The following MRPL46 variants were observed in gnomAD, a reference collection of about 807,000 sequenced individuals.
MRPL46 encodes the protein large ribosomal subunit protein mL46.
In MRPL46, 26 loss-of-function variants were observed where a neutral mutation model predicts 31.0. The ratio of observed to expected loss-of-function variants is 0.84; its 90% CI spans 0.61 to 1.16. MRPL46 has a LOEUF of 1.16. Ranked by LOEUF, MRPL46 falls within the 50% of genes most tolerant of loss-of-function variation. The pLI, the probability that MRPL46 is intolerant of heterozygous loss-of-function variation, is 0.00. For missense variants in MRPL46, 395 were observed against 340.0 expected (o/e 1.16, Z -1.27); for synonymous variants, 159 against 141.3 (o/e 1.13, Z -0.89).
At position 88,465,615 on chromosome 15, in the gene MRPL46, T is replaced by TAG. The variant is rs764724965; in HGVS notation, c.385_386dup (p.Gln130TyrfsTer9). The TAG allele has an allele frequency of 3.7e-6, 6 of 1,611,946 alleles. No homozygotes were observed. In the Admixed American group the frequency reaches 8.4e-5, roughly 23 times the overall value. On this transcript the variant is annotated frameshift_variant, in exon 2 of 4. Coordinates refer to ENST00000312475, the MANE Select transcript of MRPL46 (RefSeq NM_022163.4). LOFTEE classifies it high-confidence loss of function. ...TTATGCGAGCTCCAAGTTTGAACTGTAGAAATTTCTGCTCCCACATATCTT... is the reference window on the plus strand; with the variant it reads ...TTATGCGAGCTCCAAGTTTGAACTGTAGAGAAATTTCTGCTCCCACATATCTT...
chr15:88,460,794 C>T (rs2055471475), intron 3 of MRPL46: 1 of 151,898 alleles, frequency 6.6e-6, no homozygotes, highest in South Asian at 2.1e-4. Context: ...GGAGTGCAGT[C>T]GTGCAATCTT....
chr15:88,467,044 A>C, intron 1 of MRPL46, 106 bp downstream of exon 1: 1 of 1,279,030 alleles, frequency 7.8e-7, no homozygotes, highest in Non-Finnish European at 1.1e-6. Flanking sequence ...TAAGGTAGGT[A>C]CCATTCTGCG....
rs1030003010 is a variant in MRPL46 at position 88,460,123 on chromosome 15, A to G, written c.590-260T>C. ...TTTTTAGACTGAAAGTCAGCAACACAGTTACAATCACACCTGGGAGTCAGA... is the reference window on the plus strand; with the variant it reads ...TTTTTAGACTGAAAGTCAGCAACACGGTTACAATCACACCTGGGAGTCAGA... On this transcript the variant is annotated intron_variant, in intron 3 of 3. Coordinates refer to ENST00000312475, the MANE Select transcript of MRPL46 (RefSeq NM_022163.4). The G allele has an allele frequency of 1.5e-5, 7 of 475,766 alleles. No homozygotes were observed. The Admixed American group carries it at 2.2e-4, about 15-fold the overall frequency. 29.5% of individuals were successfully genotyped at this position (475,766 alleles called of 1,614,324 possible).
intron 3 of MRPL46, chr15:88,460,500 A>G (rs2055469141): frequency 6.6e-6 from 1 of 152,666 alleles, no homozygotes; most frequent in South Asian, 2.1e-4. Context: ...ACTAAGGGTT[A>G]ACAACCCCAA....
At chr15:88,466,116 T>C (rs904555902) in intron 1 of MRPL46, among the ~76,000 whole-genome samples, 1 of 152,222 alleles carries the variant, frequency 6.6e-6, no homozygotes, top group African/African-American at 2.4e-5. Flanking sequence ...AGGACTTTCC[T>C]GTTCAGGGAC....
chr15:88,459,962 G>T (rs2055462459), intron 3 of MRPL46, 99 bp from the exon 4 acceptor site: 3 of 1,451,276 alleles, frequency 2.1e-6, no homozygotes, highest in African/African-American at 1.4e-5. Context: ...GCAAGATCTG[G>T]CCCTGAGGTA....
At position 88,463,123 on chromosome 15, in the gene MRPL46, T is replaced by A. The variant is rs1209705342; in HGVS notation, c.589+1580A>T. On this transcript the variant is annotated intron_variant, in intron 3 of 3. Coordinates refer to ENST00000312475, the MANE Select transcript of MRPL46 (RefSeq NM_022163.4). This position sits in a 1 kb window ranked among gnomAD's most constrained non-coding sequence, Gnocchi z 5.4. ...ACTCCTATGTGATGGCTGAGGAGACTGAGAAAGCAGCAACCTCCTCTCCTA... is the reference window on the plus strand; with the variant it reads ...ACTCCTATGTGATGGCTGAGGAGACAGAGAAAGCAGCAACCTCCTCTCCTA... 2 of 152,258 alleles carry A rather than the reference T, an allele frequency of 1.3e-5. No individual in the cohort carries two copies. Among genetic ancestry groups the A allele is most frequent in the African/African-American group, 4.8e-5 (2 of 41,468 alleles). The allele number at this position is 152,258 out of a possible 1,614,324, so 9.4% of individuals were successfully genotyped here. A position where few individuals can be genotyped will look rare whatever the true frequency, so the allele number is the denominator to read the frequency against.
chr15:88,461,316 C>G (rs1262194917), intron 3 of MRPL46: 1 of 152,036 alleles, frequency 6.6e-6, no homozygotes. Context: ...ACTCAGGAAG[C>G]TGAGGCAGGA....
At chr15:88,466,978 C>A (rs2055545429) in intron 1 of MRPL46, among the ~76,000 whole-genome samples, 172 bp downstream of exon 1, 1 of 152,142 alleles carries the variant, frequency 6.6e-6, no homozygotes, top group African/African-American at 2.4e-5. Context: ...ACAATAAACA[C>A]GGCCAATGAA....
chr15:88,466,173 T>C (rs1474071465), intron 1 of MRPL46, among the ~76,000 whole-genome samples: 1 of 152,240 alleles, frequency 6.6e-6, no homozygotes, highest in African/African-American at 2.4e-5. Flanking sequence ...CCTCACATTC[T>C]TTCTTCTGGG....
chr15:88,459,798 G>GCCTA lies in MRPL46; in HGVS notation c.654_655insTAGG (p.Gln219Ter). 1 of 1,614,178 alleles carries GCCTA rather than the reference G, an allele frequency of 6.2e-7. No homozygotes were observed. The highest frequency in any genetic ancestry group is 2.2e-5 in the East Asian group (1 of 44,878). On this transcript the variant is annotated stop_gained and frameshift_variant, in exon 4 of 4. Coordinates refer to ENST00000312475, the MANE Select transcript of MRPL46 (RefSeq NM_022163.4). LOFTEE classifies it high-confidence loss of function. ...AGGTTACTCTCTGTCCGCATTGCCT[G>GCCTA]GGGGAACTTGAATGTGTAGTGCCCA... is the stretch of plus-strand genomic sequence containing the variant.
At chr15:88,465,402 T>G (rs1464775575) in intron 2 of MRPL46, 185 bp downstream of exon 2, 8 of 588,952 alleles carry the variant, frequency 1.4e-5, no homozygotes, top group Non-Finnish European at 2.2e-5. Flanking sequence ...TCCAATACCC[T>G]TACCTCTCAC....
In MRPL46 at chr15:88,459,875, G is replaced by C; in HGVS notation, c.590-12C>G. 6.2e-7 allele frequency: 1 copy of C among 1,613,210 alleles called. No homozygotes were observed. The highest frequency in any genetic ancestry group is 1.3e-5 in the African/African-American group (1 of 74,972). Reference sequence around the variant, plus strand: ...TTCCATGTTGTTTTCTGAAGAGGGAGGAAAGAAAAATCACAATTGGAAGGT... The same window carrying C: ...TTCCATGTTGTTTTCTGAAGAGGGACGAAAGAAAAATCACAATTGGAAGGT... On this transcript the variant is annotated splice_polypyrimidine_tract_variant and intron_variant, in intron 3 of 3. Transcript: ENST00000312475.
At chr15:88,461,807 T>C (rs957099579) in intron 3 of MRPL46, 2 of 152,220 alleles carry the variant, frequency 1.3e-5, no homozygotes, top group Non-Finnish European at 2.9e-5. Flanking sequence ...CAGCTTTGTT[T>C]GTAAAAACAG....
At chr15:88,465,377 G>A (rs773540652) in intron 2 of MRPL46, 37 of 472,552 alleles carry the variant, frequency 7.8e-5, no homozygotes, top group Non-Finnish European at 1.1e-4. Flanking sequence ...AAGTTTAACT[G>A]AGAGAAAAGG....
intron 1 of MRPL46, 53 bp downstream of exon 1, chr15:88,467,097 G>C: frequency 6.3e-7 from 1 of 1,580,886 alleles, no homozygotes; most frequent in Non-Finnish European, 8.7e-7. Context: ...GAAATTACTC[G>C]CTCAAAGTCA....
chr15:88,465,107 A>T (rs1598284564), intron 2 of MRPL46: 1 of 457,540 alleles, frequency 2.2e-6, no homozygotes, highest in East Asian at 3.6e-5. Flanking sequence ...TGAACAGCAA[A>T]CCATATTTTG....
intron 3 of MRPL46, 127 bp downstream of exon 3, chr15:88,464,576 A>T: frequency 9.5e-7 from 1 of 1,054,044 alleles, no homozygotes; most frequent in Non-Finnish European, 1.3e-6. Context: ...TGAAATTTTT[A>T]TAAACTTCAA....
intron 3 of MRPL46, 178 bp downstream of exon 3, chr15:88,464,524 TA>T (rs60256632): frequency 0.024 from 14,145 of 587,370 alleles, 1,320 homozygotes; most frequent in African/African-American, 0.22. Context: ...AAAATAAAAA[TA>T]AAAAAAAAAT....
Sources: allele counts gnomAD v4.1 joint callset (sites outside exome capture counted in the v4.1 genomes callset), GRCh38; gene constraint gnomAD v4.1.1; non-coding constraint Gnocchi (gnomAD v3.1); transcripts MANE v1.5; gene names NCBI Gene and HGNC (gene_info 2026-07-23, HGNC 2026-07-21).